The following TMEM38A variants were observed in gnomAD, a reference collection of about 807,000 sequenced individuals.
TMEM38A encodes transmembrane protein 38A.
TMEM38A carries 17 observed loss-of-function variants against 28.6 expected under a neutral mutation model. The ratio of observed to expected loss-of-function variants is 0.60; its 90% CI spans 0.41 to 0.89. TMEM38A has a LOEUF of 0.89. Among genes scored for constraint, TMEM38A ranks in the 40% least tolerant of loss-of-function variants. The probability of loss-of-function intolerance (pLI) is 0.00; values close to 1 mark genes in which losing one functional copy is unlikely to be tolerated. For missense variants in TMEM38A, 328 were observed against 393.1 expected (o/e 0.83, Z 1.40); for synonymous variants, 169 against 166.1 (o/e 1.02, Z -0.14).
At chr19:16,688,056 C>T (rs772532414) in intron 5 of TMEM38A, 88 bp from the exon 6 acceptor site, 1 of 973,726 alleles carries the variant, frequency 1.0e-6, no homozygotes, top group Non-Finnish European at 1.4e-6. Context: ...TCTCTCCCCT[C>T]TTCTCCCCAC....
At chr19:16,671,824 C>A (rs1264698426) in intron 1 of TMEM38A, among the ~76,000 whole-genome samples, 1 of 152,258 alleles carries the variant, frequency 6.6e-6, no homozygotes, top group East Asian at 1.9e-4. Flanking sequence ...TCCCTACCCC[C>A]ACTCCCCAAC....
At chr19:16,681,810 A>G (rs1216906664) in intron 3 of TMEM38A, among the ~76,000 whole-genome samples, 1 of 152,188 alleles carries the variant, frequency 6.6e-6, no homozygotes, top group Non-Finnish European at 1.5e-5. Context: ...ATGGCCCCAG[A>G]TGCGATTCCC....
At chr19:16,681,040 C>T (rs962862709) in intron 3 of TMEM38A, 1 of 167,294 alleles carries the variant, frequency 6.0e-6, no homozygotes, top group Admixed American at 5.6e-5. Flanking sequence ...AGGTGAGAAC[C>T]CCTTCTTCTC....
At position 16,680,140 on chromosome 19, in the gene TMEM38A, G is replaced by C. The variant is rs200370633; in HGVS notation, c.281G>C (p.Trp94Ser). 1 of 1,607,114 alleles carries C rather than the reference G, an allele frequency of 6.2e-7. No homozygotes were observed. Among genetic ancestry groups the C allele is most frequent in the East Asian group, 2.2e-5 (1 of 44,874 alleles). The change falls in exon 2 of 6, where the codon TGG (tryptophan) becomes TCG (serine). Residue 94 changes from tryptophan (W) to serine (S), a missense_variant and splice_region_variant. Trp to Ser is a radical substitution (Grantham distance 177). Transcript: ENST00000187762. ...NSSILLASAV[W>S]YLIFFCPLDL... ...AGCATCCTGCTGGCCTCAGCTGTCT[G>C]GTAAGCCATGCTGGGCATGGGAGAG...
rs1055769877 is a variant in TMEM38A, at chr19:16,680,510, T to A, written c.395T>A (p.Val132Glu). 2.2e-5 allele frequency: 36 copies of A among 1,614,072 alleles called. No homozygotes were observed. Among genetic ancestry groups the A allele is most frequent in the Non-Finnish European group, 3.1e-5 (36 of 1,180,038 alleles). The change falls in exon 3 of 6, where the codon GTG becomes GAG. Residue 132 changes from valine (V) to glutamate (E), a missense_variant. Coordinates refer to ENST00000187762, the MANE Select transcript of TMEM38A (RefSeq NM_024074.4). ...KEVVRVRKIA[V>E]GIHHAHHHYH... The stretch of plus-strand genomic sequence containing the variant: ...GTGGTGCGAGTCCGCAAGATCGCGG[T>A]GGGCATCCATCACGCCCATCACCAC...
rs796560593 is a variant in TMEM38A, at chr19:16,675,586, T to C, written c.125-4398T>C. ...TTTTTAGAGACAGAGTCTCACTCTG[T>C]CGCCCAGGCTGGAGTGCAATGGTGC... On this transcript the variant is annotated intron_variant, in intron 1 of 5. Coordinates refer to ENST00000187762, the MANE Select transcript of TMEM38A (RefSeq NM_024074.4). 4.8e-5 allele frequency among the ~76,000 whole-genome samples: 7 copies of C among 146,422 alleles called. No homozygotes were observed. The South Asian group carries it at 1.5e-3, about 32-fold the overall frequency.
At position 16,678,297 on chromosome 19, in the gene TMEM38A, C is replaced by T. The variant is rs570370688; in HGVS notation, c.125-1687C>T. 2.6e-5 allele frequency among the ~76,000 whole-genome samples: 4 copies of T among 152,110 alleles called. No homozygotes were observed. In the East Asian group the frequency reaches 7.8e-4, roughly 29 times the overall value. ...TACAAAAATTAGTTGGGCGTGGTGG[C>T]GCATGCCTGTAATCCCAGCTACTCG... On this transcript the variant is annotated intron_variant, in intron 1 of 5. Transcript: ENST00000187762.
rs1331681482 is a variant in TMEM38A, at chr19:16,661,181, C to A, written c.-37C>A. The stretch of plus-strand genomic sequence containing the variant: ...GGCGGCGGGACGGACGAGGCCGGGG[C>A]CCCGGGTGGCACCCGGCAGGCGGGC... On this transcript the variant is annotated 5_prime_UTR_variant, in exon 1 of 6. Transcript: ENST00000187762. The surrounding 1 kb of genome is among the most constrained non-coding windows in gnomAD (Gnocchi z 6.5). The A allele has an allele frequency of 7.7e-7, 1 of 1,294,778 alleles. No homozygotes were observed. Among genetic ancestry groups the A allele is most frequent in the South Asian group, 2.0e-5 (1 of 49,828 alleles). The allele number at this position is 1,294,778 out of a possible 1,614,324, so 80.2% of individuals were successfully genotyped here.
At position 16,679,992 on chromosome 19, in the gene TMEM38A, G is replaced by A. The variant is rs765687661; in HGVS notation, c.133G>A (p.Glu45Lys). The A allele has an allele frequency of 3.5e-5, 56 of 1,604,700 alleles. No homozygotes were observed. The East Asian group carries it at 8.3e-4, about 24-fold the overall frequency. ...LYLKYEPGAVELSRRHPIASW... is the reference protein window; with the variant it reads ...LYLKYEPGAVKLSRRHPIASW... ...ACTCCTGTGCCTCCCAGGAGCAGTC[G>A]AACTGTCCCGGCGCCACCCCATCGC... The change falls in exon 2 of 6, where the codon GAA becomes AAA. Residue 45 changes from glutamate (E) to lysine (K), a missense_variant. Coordinates refer to ENST00000187762, the MANE Select transcript of TMEM38A (RefSeq NM_024074.4).
intron 1 of TMEM38A, among the ~76,000 whole-genome samples, chr19:16,669,321 C>T (rs967474389): frequency 1.3e-5 from 2 of 151,666 alleles, no homozygotes; most frequent in Admixed American, 1.3e-4. Context: ...ATTCTCCTGC[C>T]TCAGCCTCCT....
intron 5 of TMEM38A, among the ~76,000 whole-genome samples, chr19:16,687,793 G>A (rs1447305245): frequency 6.6e-6 from 1 of 152,162 alleles, no homozygotes; most frequent in Non-Finnish European, 1.5e-5. Context: ...CTTTGTGATA[G>A]GTTTCAACAT....
intron 1 of TMEM38A, among the ~76,000 whole-genome samples, chr19:16,666,476 T>TG (rs1374697694): frequency 6.6e-6 from 1 of 151,984 alleles, no homozygotes; most frequent in Non-Finnish European, 1.5e-5. Flanking sequence ...TCTCCCAGGC[T>TG]GGAGTGCAGT....
chr19:16,670,326 G>A (rs906386399), intron 1 of TMEM38A, among the ~76,000 whole-genome samples: 1 of 150,072 alleles, frequency 6.7e-6, no homozygotes, highest in Admixed American at 6.7e-5. Context: ...CCAGGTTGGA[G>A]TGCAGTGGCA....
chr19:16,686,204 C>T, intron 4 of TMEM38A, 84 bp from the exon 5 acceptor site: 2 of 928,038 alleles, frequency 2.2e-6, no homozygotes, highest in Non-Finnish European at 3.4e-6. Context: ...GGAGCTGGTG[C>T]CAGGGCAGGG....
intron 1 of TMEM38A, among the ~76,000 whole-genome samples, chr19:16,678,935 G>C (rs1461032876): frequency 6.6e-6 from 1 of 151,720 alleles, no homozygotes; most frequent in Non-Finnish European, 1.5e-5. Context: ...GTTCACTTGA[G>C]TCCAAGAGTT....
intron 1 of TMEM38A, among the ~76,000 whole-genome samples, chr19:16,670,663 G>T (rs907844836): frequency 2.6e-5 from 4 of 152,126 alleles, no homozygotes; most frequent in African/African-American, 9.7e-5. Context: ...GTCCAGCCGG[G>T]TGCGGGGGCT....
intron 1 of TMEM38A, among the ~76,000 whole-genome samples, chr19:16,674,152 A>G (rs1194452634): frequency 2.0e-5 from 3 of 151,948 alleles, no homozygotes; most frequent in African/African-American, 7.2e-5. Flanking sequence ...TGGGAGGCCA[A>G]GGTGGGTGGA....
rs1160091466 is a variant in TMEM38A, at chr19:16,688,305, G to A, written c.834G>A (p.Met278Ile). 6.2e-7 allele frequency: 1 copy of A among 1,609,784 alleles called. No individual in the cohort carries two copies. Among genetic ancestry groups the A allele is most frequent in the Middle Eastern group, 1.7e-4 (1 of 6,056 alleles). Residue 278 changes from methionine to isoleucine, a missense_variant, in exon 6 of 6, where the codon ATG becomes ATA. Coordinates refer to ENST00000187762, the MANE Select transcript of TMEM38A (RefSeq NM_024074.4). ...GGCCAGGAGCTCAGCATTCGGCCAT[G>A]CCCGCCAAGTCCAAGGAGGAGTTGA... ...GGGPGAQHSA[M>I]PAKSKEELSE...
intron 3 of TMEM38A, 111 bp from the exon 4 acceptor site, chr19:16,682,310 G>T: frequency 2.4e-6 from 2 of 826,614 alleles, no homozygotes; most frequent in Admixed American, 4.0e-5. Context: ...CAGGCTCAGT[G>T]TCCTTCTAGA....
Sources: allele counts gnomAD v4.1 joint callset (sites outside exome capture counted in the v4.1 genomes callset), GRCh38; gene constraint gnomAD v4.1.1; non-coding constraint Gnocchi (gnomAD v3.1); transcripts MANE v1.5; gene names NCBI Gene and HGNC (gene_info 2026-07-23, HGNC 2026-07-21).